SDR42E2: variants seen among roughly 807,000 people sequenced by gnomAD.
SDR42E2 encodes the protein putative short-chain dehydrogenase/reductase family 42E member 2.
Under a neutral mutation model 10.5 loss-of-function variants are expected in SDR42E2, and 20 were observed. That is an observed-to-expected ratio of 1.90 (90% CI 1.34 to 2.77). The LOEUF (loss-of-function observed/expected upper bound fraction) is 2.77, where lower values mean the gene tolerates loss of function less well. SDR42E2 is among the 30% of genes most tolerant of loss of function. SDR42E2 has a pLI of 0.00. For missense variants in SDR42E2, 162 were observed against 104.2 expected (o/e 1.55, Z -2.42); for synonymous variants, 72 against 39.2 (o/e 1.84, Z -3.12).
chr16:22,190,020 A>T (rs2142085789), intron 12 of SDR42E2, 119 bp from the exon 13 acceptor site: 1 of 399,924 alleles, frequency 2.5e-6, no homozygotes, highest in East Asian at 3.6e-5. Flanking sequence ...GGTCCTTTTA[A>T]ATCACTATGT....
intron 7 of SDR42E2, among the ~76,000 whole-genome samples, chr16:22,174,749 A>G (rs1365544876): frequency 1.3e-5 from 2 of 152,150 alleles, no homozygotes; most frequent in Admixed American, 6.6e-5. Context: ...TTATATGAGC[A>G]TCTGCAGCTT....
intron 12 of SDR42E2, among the ~76,000 whole-genome samples, chr16:22,188,763 A>G (rs1368313030): frequency 6.6e-6 from 1 of 152,028 alleles, no homozygotes; most frequent in East Asian, 1.9e-4. Context: ...TGGCTCGGGT[A>G]CCCTCTGCTG....
At chr16:22,164,639 C>A (rs564810576) in intron 1 of SDR42E2, among the ~76,000 whole-genome samples, 1 of 152,288 alleles carries the variant, frequency 6.6e-6, no homozygotes, top group South Asian at 2.1e-4. Flanking sequence ...AGGGATTGGG[C>A]AGAACGTGTG....
Position 22,165,886 on chromosome 16 carries a change from G to A in SDR42E2, c.55+249G>A, listed in dbSNP as rs112574514. The stretch of plus-strand genomic sequence containing the variant: ...TGTACCTGGGCCAGGAGCTGGGTCC[G>A]TACCTGGTCTAGGAGCTAGGTCCGT... On this transcript the variant is annotated intron_variant, in intron 2 of 12. Coordinates refer to ENST00000602312, the MANE Select transcript of SDR42E2 (RefSeq NM_001394319.2). 7.2e-3 allele frequency among the ~76,000 whole-genome samples: 1,091 copies of A among 152,092 alleles called. 7 individuals carry two copies. The highest frequency in any genetic ancestry group is 0.011 in the Non-Finnish European group (734 of 67,956).
At chr16:22,170,480 G>C (rs1200701454) in intron 5 of SDR42E2, among the ~76,000 whole-genome samples, 1 of 152,190 alleles carries the variant, frequency 6.6e-6, no homozygotes. Flanking sequence ...TTTGATTCTA[G>C]AGTGTCTTTT....
intron 1 of SDR42E2, among the ~76,000 whole-genome samples, chr16:22,164,918 A>T (rs1222236422): frequency 6.6e-6 from 1 of 152,170 alleles, no homozygotes; most frequent in Non-Finnish European, 1.5e-5. Context: ...CTCCATGGAA[A>T]CTGGAATTTT....
Position 22,190,424 on chromosome 16 carries a change from G to C in SDR42E2, c.*31G>C. On this transcript the variant is annotated 3_prime_UTR_variant, in exon 13 of 13. Coordinates refer to ENST00000602312, the MANE Select transcript of SDR42E2 (RefSeq NM_001394319.2). ...CGCCGTCCGCCGCCCGCTAGGGTCGGCCCCGCTGCACCCTCGCCCACGCCC... is the reference window on the plus strand; with the variant it reads ...CGCCGTCCGCCGCCCGCTAGGGTCGCCCCCGCTGCACCCTCGCCCACGCCC... The C allele has an allele frequency of 2.5e-6, 1 of 401,542 alleles. No individual in the cohort carries two copies. The allele number at this position is 401,542 out of a possible 1,614,324, so 24.9% of individuals were successfully genotyped here. A position where few individuals can be genotyped will look rare whatever the true frequency, so the allele number is the denominator to read the frequency against.
In SDR42E2 at chr16:22,190,946, T is replaced by C. The variant is rs1263820041; in HGVS notation, c.*553T>C. On this transcript the variant is annotated 3_prime_UTR_variant, in exon 13 of 13. Transcript: ENST00000602312. Reference sequence around the variant, plus strand: ...CTAGTCCTGAGCCGCTCTCCAGGCCTAACCCCGCCTTCATGTCATAGCCAC... The same window carrying C: ...CTAGTCCTGAGCCGCTCTCCAGGCCCAACCCCGCCTTCATGTCATAGCCAC... The C allele has an allele frequency of 1.5e-5, 2 of 133,388 alleles. No individual in the cohort carries two copies. The highest frequency in any genetic ancestry group is 6.0e-5 in the African/African-American group (2 of 33,610). 8.3% of individuals were successfully genotyped at this position (133,388 alleles called of 1,614,324 possible).
intron 6 of SDR42E2, 61 bp downstream of exon 6, chr16:22,171,012 G>C: frequency 1.4e-6 from 1 of 700,314 alleles, no homozygotes; most frequent in South Asian, 1.5e-5. Flanking sequence ...AGCTCAGAGG[G>C]GAGGGATGGG....
chr16:22,187,352 C>T (rs1266029191), intron 12 of SDR42E2, among the ~76,000 whole-genome samples: 3 of 152,090 alleles, frequency 2.0e-5, no homozygotes, highest in Non-Finnish European at 4.4e-5. Context: ...TGTGGTGGCT[C>T]GCACCTATAA....
At chr16:22,166,191 C>T (rs1024231255) in intron 2 of SDR42E2, 59 bp from the exon 3 acceptor site, 3 of 415,902 alleles carry the variant, frequency 7.2e-6, no homozygotes, top group African/African-American at 4.1e-5. Context: ...GGCCTGGGCT[C>T]AGACAGGGGT....
chr16:22,163,317 G>T (rs1187537704), intron 1 of SDR42E2, among the ~76,000 whole-genome samples: 1 of 152,146 alleles, frequency 6.6e-6, no homozygotes, highest in East Asian at 1.9e-4. Flanking sequence ...CTGGGCCTGA[G>T]TACAGGAGGA....
At chr16:22,187,051 T>C (rs2046741554) in intron 12 of SDR42E2, among the ~76,000 whole-genome samples, 1 of 152,172 alleles carries the variant, frequency 6.6e-6, no homozygotes, top group Admixed American at 6.5e-5. Flanking sequence ...CCATCATCAC[T>C]GTTTCTTCAT....
intron 12 of SDR42E2, 57 bp from the exon 13 acceptor site, chr16:22,190,082 T>C (rs2046761101): frequency 7.5e-6 from 3 of 400,718 alleles, no homozygotes; most frequent in Non-Finnish European, 1.3e-5. Context: ...AACAACGAAG[T>C]AGAGGATGTC....
intron 8 of SDR42E2, 99 bp downstream of exon 8, chr16:22,178,311 C>T (rs894165895): frequency 7.8e-6 from 5 of 637,782 alleles, no homozygotes; most frequent in Non-Finnish European, 1.4e-5. Flanking sequence ...GCATCAGTCT[C>T]GAGGCTAAGT....
chr16:22,165,461 G>T (rs1216395704), intron 1 of SDR42E2, 86 bp from the exon 2 acceptor site: 1 of 396,858 alleles, frequency 2.5e-6, no homozygotes, highest in East Asian at 3.6e-5. Flanking sequence ...TTTCCACCTG[G>T]AGTTCCCCTC....
At chr16:22,169,353 G>A in intron 4 of SDR42E2, 92 bp from the exon 5 acceptor site, 1 of 698,278 alleles carries the variant, frequency 1.4e-6, no homozygotes, top group Non-Finnish European at 2.6e-6. Flanking sequence ...ACATCCTGCT[G>A]CCCTGTCCCA....
At chr16:22,171,212 A>C (rs1410936913) in intron 6 of SDR42E2, among the ~76,000 whole-genome samples, 8 of 151,980 alleles carry the variant, frequency 5.3e-5, no homozygotes, top group Admixed American at 5.2e-4. Context: ...CAAATCACTT[A>C]AGCCCTTTGA....
At chr16:22,163,141 C>G (rs1414486619) in intron 1 of SDR42E2, among the ~76,000 whole-genome samples, 2 of 152,158 alleles carry the variant, frequency 1.3e-5, no homozygotes, top group African/African-American at 4.8e-5. Context: ...TGGGTCCATT[C>G]GCGGTTGTGG....
Sources: allele counts gnomAD v4.1 joint callset (sites outside exome capture counted in the v4.1 genomes callset), GRCh38; gene constraint gnomAD v4.1.1; transcripts MANE v1.5; gene names NCBI Gene and HGNC (gene_info 2026-07-23, HGNC 2026-07-21).